The following SGCD variants were observed in gnomAD, a reference collection of about 807,000 sequenced individuals.
The protein encoded by SGCD is delta-sarcoglycan.
A neutral mutation model predicts 36.6 loss-of-function variants in SGCD; 18 were observed. The ratio of observed to expected loss-of-function variants is 0.49; its 90% confidence interval spans 0.34 to 0.73. SGCD has a LOEUF of 0.73. SGCD is among the 30% of genes least tolerant of loss of function. SGCD has a pLI of 0.01. For synonymous variants in SGCD, 133 were observed against 130.6 expected, an observed-to-expected ratio of 1.02 and a Z score of -0.12; for missense variants, 387 against 346.7, an observed-to-expected ratio of 1.12 and a Z score of -0.92.
chr5:155,746,418 G>A, the SGCD span, among the ~76,000 whole-genome samples: 2 of 152,234 alleles, frequency 1.3e-5, no homozygotes, highest in East Asian at 3.9e-4. Context: ...TCCAGGAGAG[G>A]AGTGGGCTGA....
At chr5:156,284,908 G>A (rs1224354737) in intron 3 of SGCD, among the ~76,000 whole-genome samples, 2 of 152,190 alleles carry the variant, frequency 1.3e-5, no homozygotes, top group African/African-American at 4.8e-5. Flanking sequence ...TGACATGATT[G>A]TGTATCTAGA....
At chr5:155,825,636 G>A in the SGCD span, among the ~76,000 whole-genome samples, 5 of 152,122 alleles carry the variant, frequency 3.3e-5, no homozygotes, top group African/African-American at 1.2e-4. Context: ...TCATACTGTG[G>A]GGATTATTTT....
chr5:155,965,590 C>G (rs1757886072), intron 1 of SGCD, among the ~76,000 whole-genome samples: 1 of 152,116 alleles, frequency 6.6e-6, no homozygotes, highest in Non-Finnish European at 1.5e-5. Flanking sequence ...TGGGCAAACT[C>G]ACATCTGTGC....
At chr5:156,104,500 T>C (rs908837361) in intron 1 of SGCD, among the ~76,000 whole-genome samples, 1 of 152,194 alleles carries the variant, frequency 6.6e-6, no homozygotes, top group Admixed American at 6.5e-5. Context: ...TTGCTGGATT[T>C]GTTTTCCCTT....
At chr5:156,365,928 G>A (rs1046549462) in intron 3 of SGCD, among the ~76,000 whole-genome samples, 1 of 152,146 alleles carries the variant, frequency 6.6e-6, no homozygotes, top group Admixed American at 6.5e-5. Flanking sequence ...ACATGTAAAT[G>A]TGTATGTATG....
rs185302487 is a variant in SGCD at position 156,046,622 on chromosome 5, C to G, written c.-281-71256C>G. On this transcript the variant is annotated intron_variant, in intron 1 of 9. Coordinates refer to the SGCD transcript ENST00000517913. ...TTACTATTGTAATTGATTTGGGATGCGACAGACCCTGCCAATATAAGACGG... is the reference window on the plus strand; with the variant it reads ...TTACTATTGTAATTGATTTGGGATGGGACAGACCCTGCCAATATAAGACGG... 2.3e-3 allele frequency among the ~76,000 whole-genome samples: 354 copies of G among 152,140 alleles called. 3 individuals carry two copies. Among genetic ancestry groups the G allele is most frequent in the African/African-American group, 8.3e-3 (346 of 41,518 alleles).
intron 3 of SGCD, among the ~76,000 whole-genome samples, chr5:156,177,768 G>A (rs193209452): frequency 6.4e-4 from 97 of 152,102 alleles, no homozygotes; most frequent in African/African-American, 9.6e-4. Context: ...ACAAAACCAG[G>A]GATCTAATTT....
intron 7 of SGCD, among the ~76,000 whole-genome samples, chr5:156,696,008 C>T (rs191437095): frequency 6.6e-6 from 1 of 152,244 alleles, no homozygotes; most frequent in East Asian, 1.9e-4. Flanking sequence ...AACCATGAGG[C>T]CTCTCAAGGC....
intron 4 of SGCD, among the ~76,000 whole-genome samples, chr5:156,544,828 A>G (rs79981360): frequency 0.011 from 1,735 of 152,306 alleles, 33 homozygotes; most frequent in African/African-American, 0.034. Flanking sequence ...TGTCACCCTT[A>G]TCTTAACGAG....
intron 3 of SGCD, among the ~76,000 whole-genome samples, chr5:156,153,287 G>T (rs1351829455): frequency 4.0e-5 from 6 of 150,754 alleles, no homozygotes; most frequent in Admixed American, 3.3e-4. Flanking sequence ...ATAGGACTTT[G>T]GTTCTCTTGA....
intron 4 of SGCD, among the ~76,000 whole-genome samples, chr5:156,576,631 A>T (rs1759969605): frequency 1.3e-5 from 2 of 152,124 alleles, no homozygotes; most frequent in Non-Finnish European, 2.9e-5. Flanking sequence ...CTGGTGTGAG[A>T]TGGTATCTCA....
intron 1 of SGCD, among the ~76,000 whole-genome samples, chr5:156,028,072 G>A (rs1759263972): frequency 6.6e-6 from 1 of 152,108 alleles, no homozygotes; most frequent in Admixed American, 6.5e-5. Flanking sequence ...CTATCACAAT[G>A]GCAATTAAGT....
chr5:156,074,796 T>C (rs1268049263), intron 1 of SGCD, among the ~76,000 whole-genome samples: 1 of 152,242 alleles, frequency 6.6e-6, no homozygotes, highest in Non-Finnish European at 1.5e-5. Context: ...GATAATAGCA[T>C]TCATGTTTTT....
chr5:155,862,745 C>A, the SGCD span, among the ~76,000 whole-genome samples: 1 of 152,180 alleles, frequency 6.6e-6, no homozygotes, highest in African/African-American at 2.4e-5. Context: ...TGTGTGATTT[C>A]CATCTTAAGG....
intron 3 of SGCD, among the ~76,000 whole-genome samples, chr5:156,151,269 A>T (rs1762827322): frequency 6.6e-6 from 1 of 151,684 alleles, no homozygotes; most frequent in Non-Finnish European, 1.5e-5. Flanking sequence ...ACCTGCAAGG[A>T]TGTCACTACT....
chr5:156,735,354 C>T (rs1335227039), intron 7 of SGCD, among the ~76,000 whole-genome samples: 1 of 152,186 alleles, frequency 6.6e-6, no homozygotes, highest in African/African-American at 2.4e-5. Context: ...GCCACCCAAA[C>T]AGCACAGATG....
intron 7 of SGCD, among the ~76,000 whole-genome samples, chr5:156,684,755 T>A (rs560914956): frequency 6.6e-6 from 1 of 152,220 alleles, no homozygotes; most frequent in Non-Finnish European, 1.5e-5. Context: ...ACTGAATGAA[T>A]AACACCATTC....
chr5:156,335,557 C>T (rs1224343010), intron 2 of SGCD, among the ~76,000 whole-genome samples: 2 of 152,114 alleles, frequency 1.3e-5, no homozygotes, highest in Non-Finnish European at 2.9e-5. Flanking sequence ...GTTTATCTGT[C>T]TCCTTATCTC....
intron 3 of SGCD, among the ~76,000 whole-genome samples, chr5:156,205,546 G>C (rs1005839957): frequency 3.3e-5 from 5 of 151,992 alleles, no homozygotes; most frequent in African/African-American, 7.2e-5. Context: ...CTATTGAAAG[G>C]GTAAATGGCT....
Sources: allele counts gnomAD v4.1 joint callset (sites outside exome capture counted in the v4.1 genomes callset), GRCh38; gene constraint gnomAD v4.1.1; transcripts MANE v1.5; gene names NCBI Gene and HGNC (gene_info 2026-07-23, HGNC 2026-07-21).